ARL17A: variants seen among roughly 807,000 people sequenced by gnomAD.
ARL17A encodes ADP-ribosylation factor-like 17-like.
At chr17:46,544,120 TAAAC>T (rs1486577109) in intron 3 of ARL17A, among the ~76,000 whole-genome samples, 5 of 102,906 alleles carry the variant, frequency 4.9e-5, no homozygotes, top group Non-Finnish European at 7.1e-5. Flanking sequence ...GGCCTCAAAA[TAAAC>T]AAAAGAAACA....
intron 4 of ARL17A, among the ~76,000 whole-genome samples, chr17:46,534,721 A>G: frequency 6.7e-6 from 1 of 150,050 alleles, no homozygotes; most frequent in African/African-American, 2.5e-5. Context: ...TACACCTCCC[A>G]GACGGGGTGG....
chr17:46,519,159 CTGGAG>C (rs2051882151), intron 3 of ARL17A, among the ~76,000 whole-genome samples: 1 of 148,322 alleles, frequency 6.7e-6, no homozygotes, highest in African/African-American at 2.6e-5. Context: ...GTTGCCCAGG[CTGGAG>C]TGCAATGGTG....
At chr17:46,548,873 T>C, downstream of ARL17A, 2 of 1,612,474 alleles carry the variant, frequency 1.2e-6, no homozygotes, top group Non-Finnish European at 8.5e-7. Context: ...AAGGCAGCAG[T>C]CTCTGTGCTG....
intron 3 of ARL17A, among the ~76,000 whole-genome samples, chr17:46,519,477 TAGAG>T (rs1274099982): frequency 1.5e-5 from 2 of 129,682 alleles, no homozygotes; most frequent in East Asian, 2.3e-4. Flanking sequence ...CTATTAGGGT[TAGAG>T]AGAGGGATAT....
intron 3 of ARL17A, among the ~76,000 whole-genome samples, chr17:46,543,615 G>A (rs2055814230): frequency 1.3e-5 from 2 of 150,728 alleles, no homozygotes; most frequent in Admixed American, 6.6e-5. Flanking sequence ...ATGGTGAAGG[G>A]TCATTATGTC....
intron 4 of ARL17A, among the ~76,000 whole-genome samples, chr17:46,533,390 C>A (rs1437369073): frequency 5.2e-4 from 57 of 108,880 alleles, no homozygotes; most frequent in Non-Finnish European, 7.4e-4. Context: ...TCTAAAGCTC[C>A]ACTCTCACCC....
At chr17:46,575,369 T>A (rs534187352) in intron 2 of ARL17A, among the ~76,000 whole-genome samples, 1 of 151,966 alleles carries the variant, frequency 6.6e-6, no homozygotes, top group East Asian at 1.9e-4. Flanking sequence ...AAGCAGTTGG[T>A]TTGAGCCAGA....
At chr17:46,526,475 G>A (rs1445161390), downstream of ARL17A, among the ~76,000 whole-genome samples, 3 of 103,356 alleles carry the variant, frequency 2.9e-5, 1 homozygote, top group African/African-American at 1.1e-4. Flanking sequence ...GCCCTTCCAA[G>A]GTCGTGGGAG....
intron 3 of ARL17A, among the ~76,000 whole-genome samples, chr17:46,569,356 T>TAC (rs2057647508): frequency 6.7e-6 from 1 of 150,324 alleles, no homozygotes; most frequent in South Asian, 2.1e-4. Flanking sequence ...ATTTTATATA[T>TAC]ATATATATGC....
At chr17:46,517,225 C>A in exon 4 of ARL17A, 1 of 794,396 alleles carries the variant, frequency 1.3e-6, no homozygotes, top group Non-Finnish European at 1.9e-6. Context: ...AACTGGGAAG[C>A]TGATAGCTCT....
Position 46,552,967 on chromosome 17 carries a change from A to G in ARL17A, c.*4389T>C, listed in dbSNP as rs1276893209. Among the ~76,000 whole-genome samples the G allele has an allele frequency of 2.8e-5, 4 of 142,370 alleles. No individual in the cohort carries two copies. Among genetic ancestry groups the G allele is most frequent in the Non-Finnish European group, 6.0e-5 (4 of 66,592 alleles). The allele number at this position is 142,370 out of a possible 152,430, so 93.4% of individuals were successfully genotyped here. On this transcript the variant is annotated 3_prime_UTR_variant, in exon 4 of 4. Coordinates refer to ENST00000336125, the MANE Select transcript of ARL17A (RefSeq NM_001113738.2). ...CTACTCAAGAGGCTGAGGTGGGCGG[A>G]TCACTGGAGCCCAGGAGGTTGAGGC...
intron 3 of ARL17A, among the ~76,000 whole-genome samples, chr17:46,558,360 T>C (rs2057397355): frequency 9.4e-6 from 1 of 106,000 alleles, no homozygotes; most frequent in Non-Finnish European, 1.8e-5. Flanking sequence ...GCGCCTGGCT[T>C]GTTTTGGGTT....
chr17:46,534,490 G>A lies in ARL17A; in HGVS notation c.335+3861C>T, dbSNP rs552380150. On this transcript the variant is annotated intron_variant, in intron 4 of 4. Coordinates refer to the ARL17A transcript ENST00000329240. ...TCAACCCTGAGTGGACACAGCACAT[G>A]TTTCAGAGAGCACTGGGTTGGGGGT... 1.8e-3 allele frequency among the ~76,000 whole-genome samples: 271 copies of A among 148,698 alleles called. 6 individuals are homozygous for A. Among genetic ancestry groups the A allele is most frequent in the Admixed American group, 5.4e-3 (82 of 15,146 alleles).
At chr17:46,532,828 C>CA (rs1732529982) in intron 4 of ARL17A, among the ~76,000 whole-genome samples, 1 of 149,674 alleles carries the variant, frequency 6.7e-6, no homozygotes, top group Non-Finnish European at 1.5e-5. Flanking sequence ...TTTTGCAGTG[C>CA]AGTGGCTCAC....
At chr17:46,551,366 G>A (rs1442367457), downstream of ARL17A, among the ~76,000 whole-genome samples, 2 of 150,594 alleles carry the variant, frequency 1.3e-5, no homozygotes, top group East Asian at 1.9e-4. Context: ...CAACCTTGAC[G>A]CTATGCCACC....
At chr17:46,558,553 ATTTTTTTTTT>A (rs58227880) in intron 3 of ARL17A, among the ~76,000 whole-genome samples, 1 of 100,248 alleles carries the variant, frequency 1.0e-5, no homozygotes, top group Non-Finnish European at 2.0e-5. Flanking sequence ...TGCCCGGCCA[ATTTTTTTTTT>A]TTTTTTTTTT....
At chr17:46,501,840 C>T in the ARL17A span, among the ~76,000 whole-genome samples, 3 of 151,244 alleles carry the variant, frequency 2.0e-5, 1 homozygote, top group African/African-American at 7.4e-5. Context: ...ATTGAATTAA[C>T]CTTGATCAAA....
intron 4 of ARL17A, among the ~76,000 whole-genome samples, chr17:46,534,869 G>A (rs1381213045): frequency 6.7e-6 from 1 of 149,670 alleles, no homozygotes; most frequent in Non-Finnish European, 1.5e-5. Flanking sequence ...CCGGGCAGAG[G>A]GGCTCCTCAC....
At chr17:46,503,110 G>C in the ARL17A span, among the ~76,000 whole-genome samples, 2 of 150,088 alleles carry the variant, frequency 1.3e-5, no homozygotes, top group South Asian at 4.2e-4. Flanking sequence ...TACTCTGGAG[G>C]CTGAGGCAGG....
Sources: allele counts gnomAD v4.1 joint callset (sites outside exome capture counted in the v4.1 genomes callset), GRCh38; gene constraint gnomAD v4.1.1; transcripts MANE v1.5; gene names NCBI Gene and HGNC (gene_info 2026-07-23, HGNC 2026-07-21).